The following INPP5A variants were observed in gnomAD, a reference collection of about 807,000 sequenced individuals.
The protein encoded by INPP5A is inositol polyphosphate-5-phosphatase A.
In INPP5A, 14 loss-of-function variants were observed where a neutral mutation model predicts 65.2. That is an observed-to-expected ratio of 0.21 (90% CI 0.14 to 0.34). The LOEUF is 0.34. Ranked by LOEUF, INPP5A falls within the 10% of genes least tolerant of loss-of-function variation. The pLI is 1.00. For missense variants in INPP5A, 431 were observed against 545.6 expected (o/e 0.79, Z 2.09); for synonymous variants, 207 against 208.3 (o/e 0.99, Z 0.05).
intron 11 of INPP5A, among the ~76,000 whole-genome samples, chr10:132,756,158 G>T (rs1846605495): frequency 6.6e-6 from 1 of 152,180 alleles, no homozygotes; most frequent in African/African-American, 2.4e-5. Context: ...GAAGAGAAAA[G>T]CAAGTGTGGG....
intron 6 of INPP5A, among the ~76,000 whole-genome samples, chr10:132,703,073 G>A (rs1171810273): frequency 2.0e-5 from 3 of 152,100 alleles, no homozygotes; most frequent in Admixed American, 1.3e-4. Context: ...CCACCCTTCG[G>A]ACTCACCGTT....
intron 4 of INPP5A, among the ~76,000 whole-genome samples, chr10:132,658,640 C>A (rs2072692650): frequency 6.6e-6 from 1 of 152,124 alleles, no homozygotes; most frequent in South Asian, 2.1e-4. Flanking sequence ...GTCCGCCGGC[C>A]CCCCGGGGGT....
At chr10:132,613,581 A>C (rs893376162) in intron 2 of INPP5A, among the ~76,000 whole-genome samples, 11 of 152,264 alleles carry the variant, frequency 7.2e-5, no homozygotes, top group African/African-American at 2.7e-4. Flanking sequence ...AAGAAATTTC[A>C]GTGACACTTA....
rs1846265318 is a variant in INPP5A, at chr10:132,741,265, A to C, written c.733-8252A>C. On this transcript the variant is annotated intron_variant, in intron 9 of 15. Transcript: ENST00000368594. The surrounding 1 kb of genome is among the most constrained non-coding windows in gnomAD (Gnocchi z 4.4). ...ACCTAAAAATAGAGATAAATAAAAA[A>C]AGGGACACCGCCTGTCTTGGGTTGA... is the stretch of plus-strand genomic sequence containing the variant. 6.6e-6 allele frequency among the ~76,000 whole-genome samples: 1 copy of C among 152,182 alleles called. No individual in the cohort carries two copies. The highest frequency in any genetic ancestry group is 2.1e-4 in the South Asian group (1 of 4,828).
chr10:132,669,170 G>A (rs1020698433), intron 4 of INPP5A, among the ~76,000 whole-genome samples: 10 of 152,244 alleles, frequency 6.6e-5, no homozygotes, highest in East Asian at 1.9e-4. Flanking sequence ...GGAGAATGGC[G>A]TGAACCCAGG....
intron 4 of INPP5A, among the ~76,000 whole-genome samples, chr10:132,681,643 A>G (rs947808871): frequency 6.6e-6 from 1 of 152,188 alleles, no homozygotes; most frequent in African/African-American, 2.4e-5. Context: ...GCACGTGGGT[A>G]GAAATATAAC....
intron 11 of INPP5A, among the ~76,000 whole-genome samples, chr10:132,765,071 C>A (rs1296628647): frequency 1.4e-5 from 2 of 146,220 alleles, no homozygotes; most frequent in Non-Finnish European, 3.0e-5. Flanking sequence ...GAAACACGAC[C>A]GGGTCAGTCC....
At chr10:132,609,931 C>T (rs931214689) in intron 2 of INPP5A, among the ~76,000 whole-genome samples, 18 of 152,210 alleles carry the variant, frequency 1.2e-4, no homozygotes, top group Admixed American at 3.9e-4. Context: ...CATGAGCCAC[C>T]GCACCTGGCC....
chr10:132,592,511 G>C (rs2071631347), intron 1 of INPP5A, among the ~76,000 whole-genome samples: 1 of 152,174 alleles, frequency 6.6e-6, no homozygotes, highest in African/African-American at 2.4e-5. Flanking sequence ...CGCCTCCCGG[G>C]TTCAAGTGAT....
chr10:132,679,441 G>C (rs2073014150), intron 4 of INPP5A, among the ~76,000 whole-genome samples: 5 of 152,174 alleles, frequency 3.3e-5, no homozygotes, highest in African/African-American at 9.7e-5. Flanking sequence ...ACACACAAGA[G>C]CTGCCCGCTG....
intron 2 of INPP5A, among the ~76,000 whole-genome samples, chr10:132,635,386 A>AATTTTTTT (rs2072331987): frequency 9.2e-5 from 5 of 54,518 alleles, no homozygotes; most frequent in African/African-American, 3.2e-4. Flanking sequence ...CTTTTTAAAG[A>AATTTTTTT]TTTTTTTTTT....
At chr10:132,556,061 G>A (rs549803703) in intron 1 of INPP5A, among the ~76,000 whole-genome samples, 5 of 152,120 alleles carry the variant, frequency 3.3e-5, no homozygotes, top group South Asian at 4.2e-4. Flanking sequence ...TGGAGGAGCC[G>A]CCTTCACCCA....
chr10:132,749,745 G>A, intron 10 of INPP5A, 26 bp from the exon 11 acceptor site: 1 of 1,610,608 alleles, frequency 6.2e-7, no homozygotes, highest in East Asian at 2.2e-5. Flanking sequence ...GAGCTCAGGT[G>A]CTCATGGGCC....
intron 8 of INPP5A, among the ~76,000 whole-genome samples, chr10:132,721,012 T>C (rs1288606048): frequency 1.3e-5 from 2 of 149,166 alleles, no homozygotes; most frequent in African/African-American, 2.5e-5. Context: ...CTTAGACGAC[T>C]GTCTTCAGGG....
At chr10:132,552,246 T>C (rs373596880) in intron 1 of INPP5A, among the ~76,000 whole-genome samples, 8,737 of 135,478 alleles carry the variant, frequency 0.064, 285 homozygotes, top group Non-Finnish European at 0.079. Flanking sequence ...GTGAATGCCT[T>C]CTCAGAGCCT....
chr10:132,600,675 C>T (rs1018339487), intron 1 of INPP5A, among the ~76,000 whole-genome samples: 6 of 152,174 alleles, frequency 3.9e-5, no homozygotes, highest in Non-Finnish European at 5.9e-5. Context: ...AAAGACATAC[C>T]TGAGACTGGG....
Position 132,706,066 on chromosome 10 carries a change from G to T in INPP5A, c.475-2247G>T, listed in dbSNP as rs887760533. ...AAACAAGAAAAGGGAATATGAAGAG[G>T]AGCCTGTAGAAACATTAAACATTCT... On this transcript the variant is annotated intron_variant, in intron 6 of 15. Transcript: ENST00000368594. The surrounding 1 kb of genome is among the most constrained non-coding windows in gnomAD (Gnocchi z 4.7). Among the ~76,000 whole-genome samples, 1 of 152,146 alleles carries T rather than the reference G, an allele frequency of 6.6e-6. No homozygotes were observed. The highest frequency in any genetic ancestry group is 1.9e-4 in the East Asian group (1 of 5,202).
chr10:132,646,316 G>A (rs577347077), intron 3 of INPP5A, among the ~76,000 whole-genome samples: 13 of 152,326 alleles, frequency 8.5e-5, no homozygotes, highest in South Asian at 2.1e-4. Flanking sequence ...ATCCCACTGC[G>A]CAGTCTGTCT....
chr10:132,558,457 G>T (rs936377906), intron 1 of INPP5A, among the ~76,000 whole-genome samples: 1 of 152,206 alleles, frequency 6.6e-6, no homozygotes, highest in African/African-American at 2.4e-5. Flanking sequence ...CCACGTCCAC[G>T]TCGGCTCCTG....
Sources: gnomAD v4.1 joint callset for allele counts (sites outside exome capture counted in the v4.1 genomes callset) on GRCh38, gnomAD v4.1.1 for gene constraint, Gnocchi (gnomAD v3.1) non-coding constraint, MANE v1.5 for transcripts, NCBI Gene and HGNC (gene_info 2026-07-23, HGNC 2026-07-21) for gene names.